Variants in ADAMTSL1 observed in about 807,000 individuals in gnomAD.
ADAMTSL1 encodes the protein ADAMTS like 1.
A neutral mutation model predicts 201.8 loss-of-function variants in ADAMTSL1; 126 were observed. The ratio of observed to expected loss-of-function variants is 0.62; its 90% CI spans 0.54 to 0.72. ADAMTSL1 has a LOEUF of 0.72. Ranked by LOEUF, ADAMTSL1 falls within the 30% of genes least tolerant of loss-of-function variation. The probability of loss-of-function intolerance (pLI) is 0.00; values close to 1 mark genes in which losing one functional copy is unlikely to be tolerated. For missense variants in ADAMTSL1, 2,679 were observed against 2,277.8 expected, an observed-to-expected ratio of 1.18 and a Z score of -3.59; for synonymous variants, 1,121 against 903.4, an observed-to-expected ratio of 1.24 and a Z score of -4.32.
intron 1 of ADAMTSL1, among the ~76,000 whole-genome samples, chr9:18,065,628 G>A (rs915654314): frequency 1.3e-5 from 2 of 152,136 alleles, no homozygotes; most frequent in African/African-American, 4.8e-5. Flanking sequence ...ATGTTTTGTT[G>A]TCTGCCCAAG....
At chr9:18,612,526 C>T (rs746187794) in intron 4 of ADAMTSL1, among the ~76,000 whole-genome samples, 10 of 152,168 alleles carry the variant, frequency 6.6e-5, no homozygotes, top group Middle Eastern at 3.4e-3. Context: ...CATTGAAATA[C>T]GCTTAATAAA....
intron 2 of ADAMTSL1, among the ~76,000 whole-genome samples, chr9:18,342,086 T>A (rs958352687): frequency 2.6e-5 from 4 of 152,278 alleles, no homozygotes; most frequent in African/African-American, 9.6e-5. Context: ...TGCCATTTTT[T>A]CCCACTTGCT....
At chr9:18,210,198 T>G (rs767059721) in intron 2 of ADAMTSL1, among the ~76,000 whole-genome samples, 21 of 151,698 alleles carry the variant, frequency 1.4e-4, no homozygotes, top group Non-Finnish European at 2.7e-4. Context: ...CTCCATTTTC[T>G]TTCTTTCCTT....
rs1830275378 is a variant in ADAMTSL1 at position 18,905,837 on chromosome 9, G to A, written c.4907G>A (p.Cys1636Tyr). ...HLAVQHRQVF[C>Y]QTRDGITLPS... Reference sequence around the variant, plus strand: ...GCTGTGCAACACAGACAAGTCTTCTGCCAGACACGGGATGGCATCACCTTA... The same window carrying A: ...GCTGTGCAACACAGACAAGTCTTCTACCAGACACGGGATGGCATCACCTTA... The change falls in exon 27 of 29, where the codon TGC (cysteine) becomes TAC (tyrosine). Residue 1636 changes from cysteine (C) to tyrosine (Y), a missense_variant. Transcript: ENST00000380548. The A allele has an allele frequency of 1.9e-6, 3 of 1,613,678 alleles. No homozygotes were observed. Among genetic ancestry groups the A allele is most frequent in the Non-Finnish European group, 2.5e-6 (3 of 1,179,810 alleles).
At chr9:18,844,320 G>A (rs939832318) in intron 23 of ADAMTSL1, among the ~76,000 whole-genome samples, 11 of 152,214 alleles carry the variant, frequency 7.2e-5, no homozygotes, top group African/African-American at 2.7e-4. Context: ...TGTTTGCCTA[G>A]GTACCAGCAG....
At chr9:18,353,868 T>C (rs1385740334) in intron 2 of ADAMTSL1, among the ~76,000 whole-genome samples, 6 of 152,058 alleles carry the variant, frequency 3.9e-5, no homozygotes, top group Non-Finnish European at 8.8e-5. Context: ...AAGTAATACA[T>C]ACATACTGCA....
intron 1 of ADAMTSL1, among the ~76,000 whole-genome samples, chr9:17,998,852 T>C (rs1297397041): frequency 6.6e-6 from 1 of 152,058 alleles, no homozygotes; most frequent in Non-Finnish European, 1.5e-5. Flanking sequence ...TAGAATAATC[T>C]GAGAGGAGAC....
At chr9:18,348,393 G>T (rs1777217729) in intron 2 of ADAMTSL1, among the ~76,000 whole-genome samples, 1 of 152,126 alleles carries the variant, frequency 6.6e-6, no homozygotes, top group African/African-American at 2.4e-5. Flanking sequence ...TTTAAGTTAG[G>T]TGTTTAGGAT....
intron 13 of ADAMTSL1, among the ~76,000 whole-genome samples, chr9:18,693,454 C>G (rs1831359856): frequency 6.6e-6 from 1 of 152,182 alleles, no homozygotes; most frequent in Admixed American, 6.5e-5. Context: ...CTAACCTTTT[C>G]CTGCTGTAGG....
chr9:18,034,305 A>G (rs1434825050), intron 1 of ADAMTSL1, among the ~76,000 whole-genome samples: 1 of 151,434 alleles, frequency 6.6e-6, no homozygotes, highest in East Asian at 1.9e-4. Context: ...CTCCACTGAA[A>G]CTCCTTTCTT....
chr9:18,125,558 G>A (rs1825697812), intron 1 of ADAMTSL1, among the ~76,000 whole-genome samples: 1 of 152,056 alleles, frequency 6.6e-6, no homozygotes. Context: ...TATAATTTTA[G>A]CTTTTAATTT....
At chr9:18,382,074 T>C (rs978720544) in intron 2 of ADAMTSL1, among the ~76,000 whole-genome samples, 1 of 152,164 alleles carries the variant, frequency 6.6e-6, no homozygotes, top group African/African-American at 2.4e-5. Context: ...AGCAGACTCA[T>C]GCAATGATTG....
intron 1 of ADAMTSL1, among the ~76,000 whole-genome samples, chr9:18,502,701 T>C (rs112253082): frequency 0.014 from 2,171 of 152,204 alleles, 46 homozygotes; most frequent in African/African-American, 0.049. Context: ...TGCCACATTT[T>C]ATAGGAACAT....
At chr9:18,451,802 G>A (rs1184320461) in intron 2 of ADAMTSL1, among the ~76,000 whole-genome samples, 1 of 152,224 alleles carries the variant, frequency 6.6e-6, no homozygotes, top group Non-Finnish European at 1.5e-5. Flanking sequence ...AGTTCTAGAG[G>A]CTGGGAAGTC....
At chr9:18,091,269 C>G (rs572964088) in intron 1 of ADAMTSL1, among the ~76,000 whole-genome samples, 3 of 151,974 alleles carry the variant, frequency 2.0e-5, no homozygotes, top group African/African-American at 4.8e-5. Flanking sequence ...TATATTATAT[C>G]TTATTTATAT....
chr9:18,106,146 A>T (rs980540631), intron 1 of ADAMTSL1, among the ~76,000 whole-genome samples: 25 of 152,156 alleles, frequency 1.6e-4, no homozygotes, highest in Admixed American at 1.6e-3. Flanking sequence ...GCTTGAGGGA[A>T]AGGGGAGTCA....
intron 2 of ADAMTSL1, among the ~76,000 whole-genome samples, chr9:18,467,786 C>A (rs1480754070): frequency 2.0e-5 from 3 of 152,142 alleles, no homozygotes; most frequent in South Asian, 4.1e-4. Flanking sequence ...TGGAGCATGG[C>A]TTTCTATTAT....
chr9:18,600,432 A>G (rs1277418460), intron 4 of ADAMTSL1, among the ~76,000 whole-genome samples: 2 of 152,168 alleles, frequency 1.3e-5, no homozygotes, highest in South Asian at 2.1e-4. Flanking sequence ...CTGACCCTAT[A>G]GCCTGTGCTT....
intron 1 of ADAMTSL1, among the ~76,000 whole-genome samples, chr9:18,023,528 T>G (rs1253001796): frequency 6.6e-6 from 1 of 152,184 alleles, no homozygotes; most frequent in Non-Finnish European, 1.5e-5. Context: ...CTTTTAATCT[T>G]CAGGAAATGC....
Sources: gnomAD v4.1 joint callset for allele counts (sites outside exome capture counted in the v4.1 genomes callset) on GRCh38, gnomAD v4.1.1 for gene constraint, MANE v1.5 for transcripts, NCBI Gene and HGNC (gene_info 2026-07-23, HGNC 2026-07-21) for gene names.